ZNF404: variants seen among roughly 807,000 people sequenced by gnomAD.
ZNF404 encodes zinc finger protein 404.
A neutral mutation model predicts 7.3 loss-of-function variants in ZNF404; 7 were observed. The ratio of observed to expected loss-of-function variants is 0.95; its 90% CI spans 0.54 to 1.79. The LOEUF (loss-of-function observed/expected upper bound fraction) is 1.79, where lower values mean the gene tolerates loss of function less well. ZNF404 is among the 40% of genes most tolerant of loss of function. The pLI is 0.00. For missense variants in ZNF404, 560 were observed against 661.5 expected, an observed-to-expected ratio of 0.85 and a Z score of 1.68; for synonymous variants, 191 against 209.9, an observed-to-expected ratio of 0.91 and a Z score of 0.78.
In ZNF404 at chr19:43,873,615, GA is replaced by G; in HGVS notation, c.598del (p.Ser200HisfsTer8). On this transcript the variant is annotated frameshift_variant, in exon 3 of 3. Coordinates refer to ENST00000587539, the MANE Select transcript of ZNF404 (RefSeq NM_001033719.3). LOFTEE classifies it low-confidence loss of function (END_TRUNC). Reference protein sequence around the residue: ...NGCEKAFRFYSQLIQHQIIHT... With the variant: ...NGCEKAFRFYXQLIQHQIIHT... ...AATTATCTGATGCTGAATAAGCTGT[GA>G]ATAAAACCTAAAGGCCTTCTCACAT... 1 of 1,613,450 alleles carries G rather than the reference GA, an allele frequency of 6.2e-7. No homozygotes were observed. The highest frequency in any genetic ancestry group is 1.1e-5 in the South Asian group (1 of 91,050).
At position 43,881,265 on chromosome 19, in the gene ZNF404, G is replaced by A. The variant is rs145767126; in HGVS notation, c.10-1129C>T. The stretch of plus-strand genomic sequence containing the variant: ...CTCAGGCAAGAAGAAGAAATAAAAA[G>A]CATCTAGATTGAAAAAGAAGTAAAA... On this transcript the variant is annotated intron_variant, in intron 1 of 2. Coordinates refer to ENST00000587539, the MANE Select transcript of ZNF404 (RefSeq NM_001033719.3). Among the ~76,000 whole-genome samples the A allele has an allele frequency of 1.8e-3, 276 of 152,166 alleles. 2 individuals are homozygous for A. The highest frequency in any genetic ancestry group is 6.5e-3 in the African/African-American group (270 of 41,520).
In ZNF404 at chr19:43,872,838, G is replaced by A. The variant is rs746283014; in HGVS notation, c.1376C>T (p.Thr459Ile). ...ATAGGGTTTCAAACCAGTATGAATT[G>A]TCTGATGATAAATTAGTTGAGAATT... is the stretch of plus-strand genomic sequence containing the variant. ...RLNSQLIYHQ[T>I]IHTGLKPYVC... Residue 459 changes from threonine (T) to isoleucine (I), a missense_variant, in exon 3 of 3, where the codon ACA becomes ATA. Transcript: ENST00000587539. This position sits in a 1 kb window ranked among gnomAD's most constrained non-coding sequence, Gnocchi z 4.4. 4 of 1,609,404 alleles carry A rather than the reference G, an allele frequency of 2.5e-6. No individual in the cohort carries two copies. In the African/African-American group the frequency reaches 4.0e-5, roughly 16 times the overall value.
chr19:43,879,944 T>C (rs984345988), intron 2 of ZNF404, 66 bp downstream of exon 2: 1 of 1,591,388 alleles, frequency 6.3e-7, no homozygotes, highest in East Asian at 2.2e-5. Context: ...GACCATAAAA[T>C]ATACAACAGA....
At chr19:43,880,172 AAAG>A (rs778409991) in intron 1 of ZNF404, 36 bp from the exon 2 acceptor site, 2 of 1,566,648 alleles carry the variant, frequency 1.3e-6, no homozygotes, top group Non-Finnish European at 1.7e-6. Context: ...TTGTAAAAGT[AAAG>A]AAGACTTTTC....
chr19:43,880,098 A>G lies in ZNF404; in HGVS notation c.48T>C (p.Ser16=), dbSNP rs756881405. The G allele has an allele frequency of 1.9e-6, 3 of 1,613,524 alleles. No homozygotes were observed. In the Admixed American group the frequency reaches 5.0e-5, roughly 27 times the overall value. The part of the protein sequence containing the change: ...LTFSDVAIDF[S]QEEWEYLNSD... Reference sequence around the variant, plus strand: ...AGTTTAAATATTCCCACTCCTCCTGAGAGAAGTCTATGGCAACATCGCTGA... The same window carrying G: ...AGTTTAAATATTCCCACTCCTCCTGGGAGAAGTCTATGGCAACATCGCTGA... The change falls in exon 2 of 3, where the codon TCT becomes TCC. Residue 16 remains serine (S), a synonymous_variant. Coordinates refer to ENST00000587539, the MANE Select transcript of ZNF404 (RefSeq NM_001033719.3).
intron 2 of ZNF404, 119 bp from the exon 3 acceptor site, chr19:43,874,196 T>C (rs1568436310): frequency 1.0e-5 from 8 of 762,094 alleles, no homozygotes; most frequent in Non-Finnish European, 1.6e-5. Flanking sequence ...TAAAAGAGTT[T>C]AGAAAATTCT....
Position 43,873,500 on chromosome 19 carries a change from A to G in ZNF404, c.714T>C (p.Val238=), listed in dbSNP as rs759211072. ...CCTTACATTCAAAGGGTTTCAAGCC[A>G]ACATGAATTTTCTGATGTTCTGTAA... is the stretch of plus-strand genomic sequence containing the variant. ...SHLTEHQKIH[V]GLKPFECKEC... Residue 238 remains valine (V), a synonymous_variant, in exon 3 of 3, where the codon GTT becomes GTC. Transcript: ENST00000587539. The G allele has an allele frequency of 6.2e-7, 1 of 1,613,492 alleles. No individual in the cohort carries two copies. Among genetic ancestry groups the G allele is most frequent in the Non-Finnish European group, 8.5e-7 (1 of 1,179,532 alleles).
chr19:43,881,536 T>C (rs1329083270), intron 1 of ZNF404: 1 of 152,164 alleles, frequency 6.6e-6, no homozygotes, highest in Non-Finnish European at 1.5e-5. Flanking sequence ...AATACTCTCA[T>C]AACTACAAAT....
At chr19:43,877,681 C>A (rs996118208) in intron 2 of ZNF404, among the ~76,000 whole-genome samples, 9 of 147,962 alleles carry the variant, frequency 6.1e-5, no homozygotes, top group Admixed American at 5.4e-4. Flanking sequence ...GTGCTGCACC[C>A]ACTAACTCGT....
rs775530830 is a variant in ZNF404, at chr19:43,873,681, C to A, written c.533G>T (p.Arg178Leu). The change falls in exon 3 of 3, where the codon CGA becomes CTA. Residue 178 changes from arginine (R) to leucine (L), a missense_variant. Physicochemically the swap from Arg to Leu is moderately radical, Grantham distance 102. Coordinates refer to ENST00000587539, the MANE Select transcript of ZNF404 (RefSeq NM_001033719.3). The part of the protein sequence containing the change: ...FVVFQHFIRH[R>L]KIHTDLKPYE... Reference sequence around the variant, plus strand: ...GGGTTTCAAATCAGTGTGGATTTTTCGATGTCTAATAAAATGCTGGAAAAC... The same window carrying A: ...GGGTTTCAAATCAGTGTGGATTTTTAGATGTCTAATAAAATGCTGGAAAAC... 1 of 1,613,112 alleles carries A rather than the reference C, an allele frequency of 6.2e-7. No homozygotes were observed. Among genetic ancestry groups the A allele is most frequent in the Non-Finnish European group, 8.5e-7 (1 of 1,179,568 alleles).
At chr19:43,874,320 T>C (rs1412957081) in intron 2 of ZNF404, among the ~76,000 whole-genome samples, 4 of 152,076 alleles carry the variant, frequency 2.6e-5, no homozygotes, top group Admixed American at 2.6e-4. Flanking sequence ...GTTCTCATAT[T>C]TAGTTGCAAA....
Position 43,873,420 on chromosome 19 carries a change from T to C in ZNF404, c.794A>G (p.His265Arg). The C allele has an allele frequency of 6.2e-7, 1 of 1,613,606 alleles. No homozygotes were observed. The change falls in exon 3 of 3, where the codon CAT becomes CGT. Residue 265 changes from histidine (H) to arginine (R), a missense_variant. Transcript: ENST00000587539. Reference sequence around the variant, plus strand: ...ACATTTGTAGGGTTTCACACCATGATGAATTTTCTGATGCAGACACATATG... The same window carrying C: ...ACATTTGTAGGGTTTCACACCATGACGAATTTTCTGATGCAGACACATATG... ...YRHMCLHQKI[H>R]HGVKPYKCKE... is the part of the protein sequence containing the mutation.
chr19:43,878,653 C>T (rs931734876), intron 2 of ZNF404, among the ~76,000 whole-genome samples: 1 of 152,160 alleles, frequency 6.6e-6, no homozygotes, highest in East Asian at 1.9e-4. Flanking sequence ...CAGAACAATA[C>T]CTGAAAGTCA....
Position 43,880,026 on chromosome 19 carries a change from A to G in ZNF404, c.120T>C (p.Thr40=). The stretch of plus-strand genomic sequence containing the variant: ...TATTCTTACCCAATGAGACCAAGTT[A>G]GTATAATTCTCCAACATCACATCTC... The part of the protein sequence containing the change: ...LYRDVMLENY[T]NLVSLDFNFT... The change falls in exon 2 of 3, where the codon ACT becomes ACC. Residue 40 remains threonine, a synonymous_variant. Transcript: ENST00000587539. 6.2e-7 allele frequency: 1 copy of G among 1,613,764 alleles called. No individual in the cohort carries two copies.
At chr19:43,882,946 C>G (rs557245869) in intron 1 of ZNF404, among the ~76,000 whole-genome samples, 3 of 151,802 alleles carry the variant, frequency 2.0e-5, no homozygotes, top group Non-Finnish European at 4.4e-5. Flanking sequence ...ACTAAACATA[C>G]AAAAATTTGC....
intron 2 of ZNF404, among the ~76,000 whole-genome samples, chr19:43,877,130 C>T (rs1844392437): frequency 6.6e-6 from 1 of 152,034 alleles, no homozygotes; most frequent in Admixed American, 6.6e-5. Context: ...ATAAATGTAC[C>T]ATGATTATGT....
intron 2 of ZNF404, among the ~76,000 whole-genome samples, chr19:43,879,680 A>C (rs1400120763): frequency 6.6e-6 from 1 of 152,252 alleles, no homozygotes. Flanking sequence ...CATTCTGAAC[A>C]CACATATAAT....
chr19:43,876,682 C>T (rs894060586), intron 2 of ZNF404, among the ~76,000 whole-genome samples: 1 of 152,132 alleles, frequency 6.6e-6, no homozygotes, highest in African/African-American at 2.4e-5. Flanking sequence ...AAAATAATAA[C>T]TTTACAGTGA....
intron 2 of ZNF404, among the ~76,000 whole-genome samples, chr19:43,877,621 T>A (rs958848796): frequency 6.6e-6 from 1 of 151,508 alleles, no homozygotes; most frequent in African/African-American, 2.4e-5. Flanking sequence ...TTAGGGTACA[T>A]GTGCACATTG....
Sources: gnomAD v4.1 joint callset for allele counts (sites outside exome capture counted in the v4.1 genomes callset) on GRCh38, gnomAD v4.1.1 for gene constraint, Gnocchi (gnomAD v3.1) non-coding constraint, MANE v1.5 for transcripts, NCBI Gene and HGNC (gene_info 2026-07-23, HGNC 2026-07-21) for gene names.